The following CNTN4 variants were observed in gnomAD, a reference collection of about 807,000 sequenced individuals.
CNTN4 encodes the protein contactin 4.
CNTN4 carries 77 observed loss-of-function variants against 122.5 expected under a neutral mutation model. That is an observed-to-expected ratio of 0.63 (90% CI 0.52 to 0.76). The LOEUF is 0.76. CNTN4 is among the 30% of genes least tolerant of loss of function. CNTN4 has a pLI of 0.00. For missense variants in CNTN4, 1,256 were observed against 1,259.1 expected, an observed-to-expected ratio of 1.00 and a Z score of 0.04; for synonymous variants, 512 against 447.0, an observed-to-expected ratio of 1.15 and a Z score of -1.83.
intron 3 of CNTN4, among the ~76,000 whole-genome samples, chr3:2,495,581 C>T (rs552834320): frequency 6.6e-5 from 10 of 152,256 alleles, no homozygotes; most frequent in African/African-American, 2.2e-4. Flanking sequence ...AGCAGGCGAG[C>T]GAGCATTACC....
intron 2 of CNTN4, among the ~76,000 whole-genome samples, chr3:2,223,440 G>A (rs1454452014): frequency 6.6e-6 from 1 of 152,244 alleles, no homozygotes; most frequent in East Asian, 1.9e-4. Context: ...TTTAGGAGAT[G>A]TCAAGCTGAC....
intron 3 of CNTN4, among the ~76,000 whole-genome samples, chr3:2,395,233 G>A (rs979125447): frequency 1.2e-4 from 19 of 152,086 alleles, no homozygotes; most frequent in African/African-American, 4.6e-4. Flanking sequence ...CTTAATACAT[G>A]GTGAGTACAG....
At chr3:2,896,952 TATCACATCC>T (rs1559634416) in intron 10 of CNTN4, among the ~76,000 whole-genome samples, 2 of 145,660 alleles carry the variant, frequency 1.4e-5, no homozygotes, top group African/African-American at 2.6e-5. Flanking sequence ...TTTTTTTTGC[TATCACATCC>T]TTTCTTTTAT....
At chr3:2,138,658 C>T (rs1325235615) in intron 2 of CNTN4, among the ~76,000 whole-genome samples, 1 of 152,116 alleles carries the variant, frequency 6.6e-6, no homozygotes. Flanking sequence ...TTCCTGCCTG[C>T]TGGTTGAGCT....
At chr3:2,946,907 T>C (rs1373454732) in intron 13 of CNTN4, among the ~76,000 whole-genome samples, 5 of 152,070 alleles carry the variant, frequency 3.3e-5, no homozygotes, top group Non-Finnish European at 7.4e-5. Context: ...GGTCTCCCTT[T>C]GTTGCCCAGG....
chr3:3,023,440 C>T (rs1698463023), intron 14 of CNTN4, among the ~76,000 whole-genome samples: 1 of 152,164 alleles, frequency 6.6e-6, no homozygotes, highest in Admixed American at 6.5e-5. Context: ...AAAAATCTGT[C>T]CCAGATCCCT....
chr3:2,267,682 A>G (rs952594970), intron 2 of CNTN4, among the ~76,000 whole-genome samples: 1 of 152,030 alleles, frequency 6.6e-6, no homozygotes, highest in Non-Finnish European at 1.5e-5. Flanking sequence ...ATTCCCCTCT[A>G]AAACATTCTT....
At chr3:2,396,395 C>A (rs1242544866) in intron 3 of CNTN4, among the ~76,000 whole-genome samples, 1 of 152,064 alleles carries the variant, frequency 6.6e-6, no homozygotes, top group Non-Finnish European at 1.5e-5. Flanking sequence ...TCTCAGAAAT[C>A]ATGTTAAAGA....
intron 6 of CNTN4, among the ~76,000 whole-genome samples, chr3:2,798,366 A>AATCTATCT (rs1553642389): frequency 8.1e-5 from 11 of 135,464 alleles, no homozygotes; most frequent in African/African-American, 2.9e-4. Context: ...TACACACATA[A>AATCTATCT]ATCTATCTAT....
At chr3:2,688,906 A>G (rs1325696489) in intron 4 of CNTN4, among the ~76,000 whole-genome samples, 1 of 152,188 alleles carries the variant, frequency 6.6e-6, no homozygotes, top group Non-Finnish European at 1.5e-5. Context: ...TCTAGGAACC[A>G]TTAAGCTACA....
chr3:2,886,943 A>G (rs1489993011), intron 9 of CNTN4, 97 bp from the exon 10 acceptor site: 2 of 1,022,798 alleles, frequency 2.0e-6, no homozygotes, highest in African/African-American at 3.2e-5. Flanking sequence ...AAAACACCCA[A>G]CCTTATATGT....
chr3:2,532,041 G>A (rs1466185059), intron 3 of CNTN4, among the ~76,000 whole-genome samples: 1 of 152,172 alleles, frequency 6.6e-6, no homozygotes, highest in Admixed American at 6.5e-5. Context: ...CATGTTTTGA[G>A]AGTAATTGAC....
intron 3 of CNTN4, among the ~76,000 whole-genome samples, chr3:2,484,866 C>T (rs2076103856): frequency 6.6e-6 from 1 of 152,210 alleles, no homozygotes; most frequent in Admixed American, 6.5e-5. Flanking sequence ...CCTCTCTGGG[C>T]TGGCCGAGGC....
chr3:2,130,455 G>A (rs1222238946), intron 2 of CNTN4, among the ~76,000 whole-genome samples: 2 of 152,048 alleles, frequency 1.3e-5, no homozygotes, highest in Admixed American at 1.3e-4. Context: ...ATTTAATTCA[G>A]GTAATAAAAT....
At chr3:2,611,036 G>A (rs2081460222) in intron 4 of CNTN4, among the ~76,000 whole-genome samples, 1 of 151,736 alleles carries the variant, frequency 6.6e-6, no homozygotes, top group African/African-American at 2.4e-5. Flanking sequence ...ATTATAACAT[G>A]CTTTATATGT....
At chr3:2,916,236 G>T (rs2094352413) in intron 12 of CNTN4, among the ~76,000 whole-genome samples, 1 of 150,380 alleles carries the variant, frequency 6.6e-6, no homozygotes, top group African/African-American at 2.5e-5. Flanking sequence ...ATCATTCTTG[G>T]GTGTTTCTCC....
chr3:2,590,189 T>C (rs1304197811), intron 4 of CNTN4, among the ~76,000 whole-genome samples: 3 of 152,206 alleles, frequency 2.0e-5, no homozygotes, highest in Non-Finnish European at 2.9e-5. Context: ...GCATTTCTAA[T>C]CCATTCTCCA....
intron 4 of CNTN4, among the ~76,000 whole-genome samples, chr3:2,606,808 T>C (rs986780856): frequency 6.6e-6 from 1 of 152,200 alleles, no homozygotes; most frequent in African/African-American, 2.4e-5. Context: ...TGAAAGTTTT[T>C]CTGAATATTT....
At chr3:2,101,654 CATT>C (rs902266503) in intron 2 of CNTN4, among the ~76,000 whole-genome samples, 66 of 151,926 alleles carry the variant, frequency 4.3e-4, no homozygotes, top group Non-Finnish European at 6.5e-4. Context: ...TATTGATCTT[CATT>C]ATTATTATTA....
Sources: allele counts gnomAD v4.1 joint callset (sites outside exome capture counted in the v4.1 genomes callset), GRCh38; gene constraint gnomAD v4.1.1; transcripts MANE v1.5; gene names NCBI Gene and HGNC (gene_info 2026-07-23, HGNC 2026-07-21).